The following HOXB3 variants were observed in gnomAD, a reference collection of about 807,000 sequenced individuals.
The protein encoded by HOXB3 is homeobox B3, also known as homeobox protein Hox-B3.
HOXB3 carries 17 observed loss-of-function variants against 29.2 expected under a neutral mutation model. The ratio of observed to expected loss-of-function variants is 0.58; its 90% CI spans 0.40 to 0.87. HOXB3 has a LOEUF of 0.87. HOXB3 is among the 40% of genes least tolerant of loss of function. The pLI, the probability that HOXB3 is intolerant of heterozygous loss-of-function variation, is 0.00. For synonymous variants in HOXB3, 317 were observed against 285.9 expected (o/e 1.11, Z -1.10); for missense variants, 637 against 616.3 (o/e 1.03, Z -0.35).
chr17:48,568,891 C>T (rs1026410651), intron 2 of HOXB3, among the ~76,000 whole-genome samples: 4 of 152,128 alleles, frequency 2.6e-5, no homozygotes, highest in Admixed American at 6.5e-5. Context: ...TCACATTTTA[C>T]GACAATAACA....
rs1304664255 is a variant in HOXB3, at chr17:48,552,582, C to CA, written c.-109_-108insT. 1.3e-6 allele frequency: 1 copy of CA among 767,572 alleles called. No homozygotes were observed. The highest frequency in any genetic ancestry group is 1.9e-5 in the South Asian group (1 of 51,390). The allele number at this position is 767,572 out of a possible 1,614,324, so 47.5% of individuals were successfully genotyped here. A position where few individuals can be genotyped will look rare whatever the true frequency, so the allele number is the denominator to read the frequency against. On this transcript the variant is annotated 5_prime_UTR_variant, in exon 4 of 5. The change creates a premature stop within an existing upstream ORF in the 5' untranslated region. Coordinates refer to ENST00000498678, the MANE Select transcript of HOXB3 (RefSeq NM_001384749.1). The stretch of plus-strand genomic sequence containing the variant: ...ACGTGACACGCCGGACCCCCCCCCC[C>CA]CACCTCCCCTCTCTGCCCCCCTCCT...
rs983025763 is a variant in HOXB3 at position 48,550,273 on chromosome 17, C to A, written c.*61G>T. The A allele has an allele frequency of 6.2e-7, 1 of 1,606,728 alleles. No individual in the cohort carries two copies. The highest frequency in any genetic ancestry group is 2.2e-5 in the East Asian group (1 of 44,774). On this transcript the variant is annotated 3_prime_UTR_variant, in exon 5 of 5. Coordinates refer to ENST00000498678, the MANE Select transcript of HOXB3 (RefSeq NM_001384749.1). ...CTCTTTTCAGACCTCCAGGTTGCCCCCCAGAGCTCCACAGTCTCTCTCTTC... is the reference window on the plus strand; with the variant it reads ...CTCTTTTCAGACCTCCAGGTTGCCCACCAGAGCTCCACAGTCTCTCTCTTC...
chr17:48,572,968 T>TGCA, intron 2 of HOXB3, among the ~76,000 whole-genome samples: 1 of 152,012 alleles, frequency 6.6e-6, no homozygotes, highest in Non-Finnish European at 1.5e-5. Flanking sequence ...CCATGAACTC[T>TGCA]CTCTCCTGCC....
rs2068676742 is a variant in HOXB3, at chr17:48,550,467, C to A, written c.1163G>T (p.Gly388Val). The change falls in exon 5 of 5, where the codon GGG (glycine) becomes GTG (valine). Residue 388 changes from glycine to valine, a missense_variant. By Grantham distance (109) the Gly-to-Val change is moderately radical. Transcript: ENST00000498678. ...CTGGCTGGGCGCCATAGGGGGCGCC[C>A]CGTTGTAGTCCAGGTTCCCGGAAGG... ...HHPSGNLDYN[G>V]APPMAPSQHH... The A allele has an allele frequency of 6.2e-7, 1 of 1,611,184 alleles. No homozygotes were observed. The highest frequency in any genetic ancestry group is 1.7e-5 in the Admixed American group (1 of 59,408).
intron 2 of HOXB3, among the ~76,000 whole-genome samples, chr17:48,558,054 A>G (rs1479217990): frequency 6.6e-6 from 1 of 152,170 alleles, no homozygotes; most frequent in Non-Finnish European, 1.5e-5. Flanking sequence ...AAATAAAAAA[A>G]AAGCCAAGAA....
chr17:48,566,554 G>C (rs1351079106), intron 2 of HOXB3, among the ~76,000 whole-genome samples: 1 of 152,098 alleles, frequency 6.6e-6, no homozygotes, highest in African/African-American at 2.4e-5. Context: ...AAAAGGGTTG[G>C]GGAGGAGGAG....
Position 48,552,388 on chromosome 17 carries a change from G to A in HOXB3, c.87C>T (p.Phe29=). 1 of 1,612,700 alleles carries A rather than the reference G, an allele frequency of 6.2e-7. No homozygotes were observed. The highest frequency in any genetic ancestry group is 1.1e-5 in the South Asian group (1 of 90,960). Residue 29 remains phenylalanine (F), a synonymous_variant, in exon 4 of 5, where the codon TTC becomes TTT. Coordinates refer to ENST00000498678, the MANE Select transcript of HOXB3 (RefSeq NM_001384749.1). ...SSYPGSNGFG[F]DVPPQPPFQA... ...GAAATGGGGGTTGGGGGGGGACATC[G>A]AAGCCGAAGCCATTGCTGCCAGGGT...
rs1489184502 is a variant in HOXB3 at position 48,589,021 on chromosome 17, C to A, written c.-425+1104G>T. On this transcript the variant is annotated intron_variant, in intron 1 of 4. Transcript: ENST00000498678. ...AAAGTAGGAGTGACAGGGTAGTTAG[C>A]CCCACGGGTGTTAAATTGGAGGGGG... 2.0e-5 allele frequency among the ~76,000 whole-genome samples: 3 copies of A among 151,094 alleles called. No homozygotes were observed. The East Asian group carries it at 5.8e-4, about 29-fold the overall frequency.
chr17:48,551,889 G>A (rs902388376), intron 4 of HOXB3, 138 bp downstream of exon 4: 42 of 762,448 alleles, frequency 5.5e-5, no homozygotes, highest in Non-Finnish European at 8.6e-5. Context: ...GGGGGTAGGG[G>A]TATCAAAAAT....
chr17:48,552,571 A>ACCCCCCCCCCCCCCCCC lies in HOXB3; in HGVS notation c.-98_-97insGGGGGGGGGGGGGGGGG, dbSNP rs59742556. The ACCCCCCCCCCCCCCCCC allele has an allele frequency of 4.0e-6, 2 of 504,638 alleles. No individual in the cohort carries two copies. Among genetic ancestry groups the ACCCCCCCCCCCCCCCCC allele is most frequent in the Non-Finnish European group, 6.0e-6 (2 of 331,810 alleles). The allele number at this position is 504,638 out of a possible 1,614,324, so 31.3% of individuals were successfully genotyped here. A position where few individuals can be genotyped will look rare whatever the true frequency, so the allele number is the denominator to read the frequency against. ...CCCTGGGGGTCACGTGACACGCCGG[A>ACCCCCCCCCCCCCCCCC]CCCCCCCCCCCCACCTCCCCTCTCT... On this transcript the variant is annotated 5_prime_UTR_variant, in exon 4 of 5. The change creates a premature stop within an existing upstream ORF in the 5' untranslated region. Transcript: ENST00000498678.
At chr17:48,565,138 G>GAAAGGATTCCAGGGA (rs1006600139) in intron 2 of HOXB3, among the ~76,000 whole-genome samples, 2 of 152,184 alleles carry the variant, frequency 1.3e-5, no homozygotes, top group African/African-American at 4.8e-5. Context: ...GAAAAGCCAA[G>GAAAGGATTCCAGGGA]AAAGGATTCC....
rs118078868 is a variant in HOXB3 at position 48,570,022 on chromosome 17, C to G, written c.-247+3815G>C. 8.9e-3 allele frequency among the ~76,000 whole-genome samples: 1,360 copies of G among 152,316 alleles called. 11 individuals carry two copies. The highest frequency in any genetic ancestry group is 0.014 in the Non-Finnish European group (986 of 68,026). ...TGTCACACCCTGTCTCATTTCCCCC[C>G]CTTCCCAAACCCACCAGTGAAGACA... On this transcript the variant is annotated intron_variant, in intron 2 of 4. Transcript: ENST00000498678.
In HOXB3 at chr17:48,552,581, CCCA is replaced by C; in HGVS notation, c.-110_-108del. On this transcript the variant is annotated 5_prime_UTR_variant, in exon 4 of 5. Transcript: ENST00000498678. ...CACGTGACACGCCGGACCCCCCCCC[CCCA>C]CCTCCCCTCTCTGCCCCCCTCCTCC... 3.9e-6 allele frequency: 3 copies of C among 771,958 alleles called. No individual in the cohort carries two copies. The highest frequency in any genetic ancestry group is 5.7e-5 in the East Asian group (2 of 34,806). The allele number at this position is 771,958 out of a possible 1,614,324, so 47.8% of individuals were successfully genotyped here.
chr17:48,568,515 G>A (rs144735567), intron 2 of HOXB3, among the ~76,000 whole-genome samples: 3 of 152,228 alleles, frequency 2.0e-5, no homozygotes, highest in Admixed American at 6.5e-5. Flanking sequence ...CTCCGAGAGC[G>A]ACTCTCTCCC....
chr17:48,576,684 C>A, intron 1 of HOXB3: 1 of 1,527,724 alleles, frequency 6.5e-7, no homozygotes, highest in Non-Finnish European at 8.8e-7. Flanking sequence ...CACTGCCCAC[C>A]CCCACCCCGA....
chr17:48,581,768 TG>T lies in HOXB3; in HGVS notation c.-424-7755del, dbSNP rs2069946424. The T allele has an allele frequency of 2.0e-5, 3 of 152,276 alleles. No homozygotes were observed. The South Asian group carries it at 6.2e-4, about 32-fold the overall frequency. The allele number at this position is 152,276 out of a possible 1,614,324, so 9.4% of individuals were successfully genotyped here. A position where few individuals can be genotyped will look rare whatever the true frequency, so the allele number is the denominator to read the frequency against. ...CCGCGGGTTTGGGTATCCTTGATCC[TG>T]GCGCCCAAGAGCAGAGATTTTTCTC... is the stretch of plus-strand genomic sequence containing the variant. On this transcript the variant is annotated intron_variant, in intron 1 of 4. Coordinates refer to ENST00000498678, the MANE Select transcript of HOXB3 (RefSeq NM_001384749.1).
intron 1 of HOXB3, chr17:48,578,218 C>A (rs1158746502): frequency 1.9e-6 from 3 of 1,613,820 alleles, no homozygotes; most frequent in Non-Finnish European, 2.5e-6. Context: ...AGTACCCGGG[C>A]GAGTGGTCGC....
intron 1 of HOXB3, chr17:48,580,350 AC>A (rs2069906659): frequency 7.0e-6 from 1 of 143,794 alleles, no homozygotes; most frequent in Non-Finnish European, 1.5e-5. Context: ...AAAAAACAAA[AC>A]CCCAATCGGC....
intron 2 of HOXB3, chr17:48,559,973 G>C (rs944473183): frequency 6.6e-6 from 1 of 152,356 alleles, no homozygotes; most frequent in East Asian, 1.9e-4. Context: ...TGCTGCCAGC[G>C]AGTTGGGAGC....
Sources: gnomAD v4.1 joint callset for allele counts (sites outside exome capture counted in the v4.1 genomes callset) on GRCh38, gnomAD v4.1.1 for gene constraint, MANE v1.5 for transcripts, NCBI Gene and HGNC (gene_info 2026-07-23, HGNC 2026-07-21) for gene names.